Variants in PDE4DIP observed in about 807,000 individuals in gnomAD.
The protein encoded by PDE4DIP is myomegalin.
In PDE4DIP, 59 loss-of-function variants were observed where a neutral mutation model predicts 221.4. The observed-to-expected ratio is 0.27, with a 90% CI of 0.22 to 0.33. The LOEUF (loss-of-function observed/expected upper bound fraction) is 0.33. Among genes scored for constraint, PDE4DIP ranks in the 10% least tolerant of loss-of-function variants. The pLI, the probability that PDE4DIP is intolerant of heterozygous loss-of-function variation, is 1.00. For synonymous variants in PDE4DIP, 404 were observed against 815.9 expected (o/e 0.50, Z 8.60); for missense variants, 1,036 against 2,154.2 (o/e 0.48, Z 10.28).
intron 17 of PDE4DIP, among the ~76,000 whole-genome samples, chr1:148,976,467 T>G (rs2060193249): frequency 6.6e-6 from 1 of 152,142 alleles, no homozygotes; most frequent in Non-Finnish European, 1.5e-5. Context: ...AGAAGTCACC[T>G]TATGTATAAA....
At chr1:148,898,948 T>C (rs1572949006) in intron 1 of PDE4DIP, among the ~76,000 whole-genome samples, 1 of 108,508 alleles carries the variant, frequency 9.2e-6, no homozygotes, top group Admixed American at 9.7e-5. Context: ...TCTCCTGCCT[T>C]AGCCTCCCAA....
intron 1 of PDE4DIP, among the ~76,000 whole-genome samples, chr1:148,907,055 A>G (rs2042004172): frequency 6.6e-6 from 1 of 151,314 alleles, no homozygotes; most frequent in African/African-American, 2.5e-5. Flanking sequence ...ATCTCAAAAA[A>G]ACCAAAAAAA....
chr1:148,818,427 C>A lies in PDE4DIP; in HGVS notation c.233+9690C>A, dbSNP rs1312595189. 2.2e-4 allele frequency among the ~76,000 whole-genome samples: 18 copies of A among 80,066 alleles called. 7 individuals are homozygous for A. The highest frequency in any genetic ancestry group is 9.5e-4 in the Admixed American group (8 of 8,378). The allele number at this position is 80,066 out of a possible 152,430, so 52.5% of individuals were successfully genotyped here. A position where few individuals can be genotyped will look rare whatever the true frequency, so the allele number is the denominator to read the frequency against. Reference sequence around the variant, plus strand: ...TGATCTTAAGCTTCATTATGGGGAACCCAAGCAACTTTTTAAAGATGATTA... The same window carrying A: ...TGATCTTAAGCTTCATTATGGGGAAACCAAGCAACTTTTTAAAGATGATTA... On this transcript the variant is annotated intron_variant, in intron 1 of 45. Coordinates refer to the PDE4DIP transcript ENST00000524974.
At chr1:148,960,753 G>A in exon 6 of PDE4DIP, 1 of 536,924 alleles carries the variant, frequency 1.9e-6, no homozygotes, top group Non-Finnish European at 3.2e-6. Context: ...AGAACTCCAG[G>A]AAAAAATCCA....
intron 21 of PDE4DIP, among the ~76,000 whole-genome samples, chr1:148,987,078 T>C (rs1239778735): frequency 6.6e-6 from 1 of 152,204 alleles, no homozygotes; most frequent in Non-Finnish European, 1.5e-5. Flanking sequence ...AAAAGTATTT[T>C]AGATTATGAT....
chr1:149,031,941 C>A lies in PDE4DIP; in HGVS notation c.7000-3C>A, dbSNP rs1385491250. ...ATTTGGTTTGTTTTATGTTTGTCTG[C>A]AGGTGAAATCCCTAAGGGCTCTGCC... is the stretch of plus-strand genomic sequence containing the variant. On this transcript the variant is annotated splice_polypyrimidine_tract_variant and splice_region_variant and intron_variant, in intron 43 of 43. Coordinates refer to ENST00000369354, the Ensembl canonical transcript of PDE4DIP. 3.7e-6 allele frequency: 6 copies of A among 1,604,518 alleles called. No individual in the cohort carries two copies. The highest frequency in any genetic ancestry group is 5.1e-6 in the Non-Finnish European group (6 of 1,176,778).
At chr1:148,821,364 G>T (rs1669199012) in intron 1 of PDE4DIP, among the ~76,000 whole-genome samples, 1 of 149,588 alleles carries the variant, frequency 6.7e-6, no homozygotes, top group Non-Finnish European at 1.5e-5. Context: ...TTTCCAAAAG[G>T]TATATATGGA....
chr1:148,934,694 C>A (rs1409043277), intron 4 of PDE4DIP, among the ~76,000 whole-genome samples: 1 of 152,054 alleles, frequency 6.6e-6, no homozygotes, highest in African/African-American at 2.4e-5. Flanking sequence ...ACCTCTGCCT[C>A]CCAGGTTCAA....
intron 20 of PDE4DIP, among the ~76,000 whole-genome samples, chr1:148,980,342 G>T (rs2060878040): frequency 6.6e-6 from 1 of 152,000 alleles, no homozygotes; most frequent in African/African-American, 2.4e-5. Context: ...CAGTGAGCTG[G>T]GTTCACACCA....
intron 22 of PDE4DIP, among the ~76,000 whole-genome samples, chr1:148,996,924 G>GGAAT (rs1267507324): frequency 2.0e-5 from 3 of 152,186 alleles, no homozygotes; most frequent in Non-Finnish European, 2.9e-5. Flanking sequence ...GGATAATTGG[G>GGAAT]GAATGATTCA....
chr1:148,829,050 A>T (rs1376045149), intron 1 of PDE4DIP, among the ~76,000 whole-genome samples: 6 of 148,754 alleles, frequency 4.0e-5, no homozygotes, highest in African/African-American at 1.2e-4. Flanking sequence ...ACACACACTC[A>T]CACACACACA....
intron 21 of PDE4DIP, among the ~76,000 whole-genome samples, chr1:148,987,726 T>C (rs56735472): frequency 6.6e-6 from 1 of 152,032 alleles, no homozygotes; most frequent in Non-Finnish European, 1.5e-5. Context: ...CAGAGTAGAA[T>C]TGGGGGGAAA....
At position 148,971,219 on chromosome 1, in the gene PDE4DIP, G is replaced by A. The variant is rs1380515024; in HGVS notation, c.1981-961G>A. Among the ~76,000 whole-genome samples the A allele has an allele frequency of 1.5e-4, 22 of 151,236 alleles. No homozygotes were observed. In the South Asian group the frequency reaches 3.6e-3, roughly 25 times the overall value. ...TGGTCTGATAAACATGTTTATGTGC[G>A]TAATTGATTCATTCAGTAAATATGT... On this transcript the variant is annotated intron_variant, in intron 14 of 43. Transcript: ENST00000369354.
At chr1:148,931,714 T>C in intron 2 of PDE4DIP, 86 bp from the exon 6 acceptor site, 1 of 1,025,402 alleles carries the variant, frequency 9.8e-7, no homozygotes, top group South Asian at 1.3e-5. Context: ...GAAAGCAGTT[T>C]GGAGATTTAT....
rs372931458 is a variant in PDE4DIP, at chr1:148,992,192, G to A, written c.2904+219G>A. 4.6e-4 allele frequency: 335 copies of A among 735,552 alleles called. 1 individual carries two copies. Among genetic ancestry groups the A allele is most frequent in the Admixed American group, 1.7e-3 (75 of 43,914 alleles). 45.6% of individuals were successfully genotyped at this position (735,552 alleles called of 1,614,324 possible). A position where few individuals can be genotyped will look rare whatever the true frequency, so the allele number is the denominator to read the frequency against. ...TCCAATCCACCCTTTGGTTTGTATT[G>A]TATCTCTTTCTTCTGCTTCCTTCCC... On this transcript the variant is annotated intron_variant, in intron 22 of 43. Transcript: ENST00000369354.
At chr1:148,953,610 A>G (rs372937814) in intron 5 of PDE4DIP, 32 of 1,533,996 alleles carry the variant, frequency 2.1e-5, no homozygotes, top group Non-Finnish European at 2.7e-5. Flanking sequence ...TGTTCAGATG[A>G]TCAGGCTCCG....
rs782383642 is a variant in PDE4DIP at position 148,953,142 on chromosome 1, C to G, written c.637-7512C>G. The G allele has an allele frequency of 4.3e-6, 7 of 1,613,948 alleles. No homozygotes were observed. In the African/African-American group the frequency reaches 6.7e-5, roughly 15 times the overall value. ...GGGACGGTTGACATGTCCGTCTTAC[C>G]CGATGCGAGATACTCTGCACTGCTC... On this transcript the variant is annotated intron_variant, in intron 5 of 43. Coordinates refer to ENST00000369354, the Ensembl canonical transcript of PDE4DIP.
At chr1:149,023,781 CATATATATGTACATGTATATGTGT>C in intron 37 of PDE4DIP, among the ~76,000 whole-genome samples, 1 of 129,740 alleles carries the variant, frequency 7.7e-6, no homozygotes, top group Non-Finnish European at 1.6e-5. Context: ...TATGTGTGTA[CATATATATGTACATGTATATGTGT>C]GCACATATAT....
chr1:148,963,876 C>G (rs2151773692), intron 9 of PDE4DIP, among the ~76,000 whole-genome samples: 1 of 146,640 alleles, frequency 6.8e-6, no homozygotes, highest in South Asian at 2.2e-4. Context: ...GCCTCAGCCT[C>G]CCAAGTAGCT....
Sources: gnomAD v4.1 joint callset for allele counts (sites outside exome capture counted in the v4.1 genomes callset) on GRCh38, gnomAD v4.1.1 for gene constraint, MANE v1.5 for transcripts, NCBI Gene and HGNC (gene_info 2026-07-23, HGNC 2026-07-21) for gene names.